CADM2: variants seen among roughly 807,000 people sequenced by gnomAD.
CADM2 encodes cell adhesion molecule 2.
A neutral mutation model predicts 49.8 loss-of-function variants in CADM2; 12 were observed. The ratio of observed to expected loss-of-function variants is 0.24; its 90% CI spans 0.15 to 0.39. The LOEUF is 0.39. CADM2 is among the 10% of genes least tolerant of loss of function. The pLI, the probability that CADM2 is intolerant of heterozygous loss-of-function variation, is 1.00. For missense variants in CADM2, 378 were observed against 492.3 expected, an observed-to-expected ratio of 0.77 and a Z score of 2.20; for synonymous variants, 214 against 175.4, an observed-to-expected ratio of 1.22 and a Z score of -1.74.
intron 1 of CADM2, among the ~76,000 whole-genome samples, chr3:85,718,730 A>G (rs1210426192): frequency 6.6e-6 from 1 of 151,822 alleles, no homozygotes; most frequent in Non-Finnish European, 1.5e-5. Context: ...ATAATTCAGT[A>G]TTTATAAAGT....
chr3:86,055,481 G>GTTTTTTTTTTTTTTTTTTTTTTTTTTTTT (rs1440467932), intron 8 of CADM2, among the ~76,000 whole-genome samples: 8 of 121,042 alleles, frequency 6.6e-5, no homozygotes, highest in African/African-American at 6.5e-5. Flanking sequence ...TTTTTTTTTG[G>GTTTTTTTTTTTTTTTTTTTTTTTTTTTTT]TTTTAGAGGG....
chr3:85,133,854 G>T (rs578117490), intron 1 of CADM2, among the ~76,000 whole-genome samples: 3 of 152,342 alleles, frequency 2.0e-5, no homozygotes, highest in Admixed American at 6.5e-5. Context: ...CCCGCGCCGT[G>T]CGCCCGCGCT....
intron 1 of CADM2, among the ~76,000 whole-genome samples, chr3:85,502,508 A>G (rs2040160572): frequency 6.6e-6 from 1 of 152,150 alleles, no homozygotes; most frequent in Admixed American, 6.5e-5. Context: ...AAAAAGAGAA[A>G]AAGAATCTTT....
Position 85,209,739 on chromosome 3 carries a change from A to G in CADM2, c.61+250071A>G, listed in dbSNP as rs115176156. Among the ~76,000 whole-genome samples, 735 of 152,198 alleles carry G rather than the reference A, an allele frequency of 4.8e-3. 7 individuals are homozygous for G. Among genetic ancestry groups the G allele is most frequent in the African/African-American group, 0.017 (705 of 41,560 alleles). ...TTGCTGCACACTGCAGGCGTTTCCAATTAGTCTGAAAGTGAACTAACAACT... is the reference window on the plus strand; with the variant it reads ...TTGCTGCACACTGCAGGCGTTTCCAGTTAGTCTGAAAGTGAACTAACAACT... On this transcript the variant is annotated intron_variant, in intron 1 of 9. Coordinates refer to ENST00000383699, the MANE Select transcript of CADM2 (RefSeq NM_001167675.2).
chr3:86,049,687 C>A (rs1045662266), intron 8 of CADM2, among the ~76,000 whole-genome samples: 23 of 152,092 alleles, frequency 1.5e-4, no homozygotes, highest in African/African-American at 5.3e-4. Context: ...GACTTACAAT[C>A]ATAGCAGAAG....
chr3:85,570,948 T>G (rs574849958), intron 1 of CADM2, among the ~76,000 whole-genome samples: 11 of 152,148 alleles, frequency 7.2e-5, no homozygotes, highest in Non-Finnish European at 1.6e-4. Context: ...ACTACCTGAT[T>G]TTTTTTCATT....
intron 6 of CADM2, among the ~76,000 whole-genome samples, chr3:85,929,305 G>T (rs1288822733): frequency 6.6e-6 from 1 of 151,928 alleles, no homozygotes; most frequent in Non-Finnish European, 1.5e-5. Context: ...ATTTGGTTTA[G>T]AAAATATTCC....
intron 1 of CADM2, among the ~76,000 whole-genome samples, chr3:85,120,244 A>T (rs1211946007): frequency 6.6e-6 from 1 of 152,212 alleles, no homozygotes; most frequent in Non-Finnish European, 1.5e-5. Context: ...GGTAGTGTAA[A>T]CTAGTTCAAC....
chr3:85,526,502 G>A (rs982602349), intron 1 of CADM2, among the ~76,000 whole-genome samples: 1 of 152,112 alleles, frequency 6.6e-6, no homozygotes, highest in African/African-American at 2.4e-5. Flanking sequence ...GTAAGAATGC[G>A]ATATAATAGG....
At chr3:85,756,771 T>C (rs2069143791) in intron 2 of CADM2, among the ~76,000 whole-genome samples, 1 of 152,184 alleles carries the variant, frequency 6.6e-6, no homozygotes, top group Non-Finnish European at 1.5e-5. Context: ...ATTTGAACAG[T>C]ATCGAATAGT....
At chr3:85,971,680 G>A (rs552455743) in intron 8 of CADM2, among the ~76,000 whole-genome samples, 1 of 151,662 alleles carries the variant, frequency 6.6e-6, no homozygotes, top group East Asian at 2.0e-4. Context: ...ATTGAAGTAG[G>A]CGGAGCTAAA....
At chr3:85,310,849 A>G (rs530783743) in intron 1 of CADM2, among the ~76,000 whole-genome samples, 1 of 152,176 alleles carries the variant, frequency 6.6e-6, no homozygotes, top group Non-Finnish European at 1.5e-5. Flanking sequence ...AAGCTAGAGA[A>G]CTTAGCTTTT....
At chr3:85,368,346 A>G (rs1416478151) in intron 1 of CADM2, among the ~76,000 whole-genome samples, 1 of 152,070 alleles carries the variant, frequency 6.6e-6, no homozygotes, top group Admixed American at 6.6e-5. Context: ...TTTAGCCATT[A>G]TACACGTAAA....
chr3:85,507,159 G>C (rs2040390666), intron 1 of CADM2, among the ~76,000 whole-genome samples: 1 of 149,546 alleles, frequency 6.7e-6, no homozygotes, highest in East Asian at 2.0e-4. Flanking sequence ...TTTAAGAAAG[G>C]TTTTTGCCCT....
chr3:84,984,036 T>C (rs1240575383), intron 1 of CADM2, among the ~76,000 whole-genome samples: 1 of 98,282 alleles, frequency 1.0e-5, no homozygotes, highest in Non-Finnish European at 2.3e-5. Flanking sequence ...CATTGTGATA[T>C]ATATATATAT....
chr3:85,843,234 T>G (rs910027020), intron 3 of CADM2, among the ~76,000 whole-genome samples: 3 of 152,184 alleles, frequency 2.0e-5, no homozygotes, highest in African/African-American at 7.2e-5. Flanking sequence ...TTGAAAAATC[T>G]TATTTCATTT....
At chr3:85,963,911 G>T (rs1033110824) in intron 8 of CADM2, among the ~76,000 whole-genome samples, 1 of 151,848 alleles carries the variant, frequency 6.6e-6, no homozygotes, top group Non-Finnish European at 1.5e-5. Context: ...CTAGATAAAT[G>T]CTGTGAAGTT....
At chr3:85,196,254 G>A (rs1397953144) in intron 1 of CADM2, among the ~76,000 whole-genome samples, 2 of 151,954 alleles carry the variant, frequency 1.3e-5, no homozygotes, top group Admixed American at 6.6e-5. Context: ...TCAAATTTAT[G>A]AGGTGGCTTC....
intron 1 of CADM2, among the ~76,000 whole-genome samples, chr3:85,494,169 A>G (rs1016081837): frequency 2.0e-5 from 3 of 152,144 alleles, no homozygotes; most frequent in African/African-American, 4.8e-5. Context: ...TCATTTTTGT[A>G]AAAATTTAAA....
Sources: gnomAD v4.1 joint callset for allele counts (sites outside exome capture counted in the v4.1 genomes callset) on GRCh38, gnomAD v4.1.1 for gene constraint, MANE v1.5 for transcripts, NCBI Gene and HGNC (gene_info 2026-07-23, HGNC 2026-07-21) for gene names.